Variants in NAALADL2 observed in about 807,000 individuals in gnomAD.
NAALADL2 encodes the protein inactive N-acetylated-alpha-linked acidic dipeptidase-like protein 2.
NAALADL2 carries 76 observed loss-of-function variants against 87.2 expected under a neutral mutation model. That is an observed-to-expected ratio of 0.87 (90% CI 0.72 to 1.05). The LOEUF (loss-of-function observed/expected upper bound fraction) is 1.05, where lower values mean the gene tolerates loss of function less well. Among genes scored for constraint, NAALADL2 ranks in the 50% least tolerant of loss-of-function variants. NAALADL2 has a pLI of 0.00. For synonymous variants in NAALADL2, 354 were observed against 331.0 expected (o/e 1.07, Z -0.75); for missense variants, 1,089 against 945.8 (o/e 1.15, Z -1.99).
chr3:175,365,574 T>G (rs1326895617), intron 5 of NAALADL2, among the ~76,000 whole-genome samples: 1 of 147,562 alleles, frequency 6.8e-6, no homozygotes. Context: ...TGTGGATTTT[T>G]CTGATTCCAC....
chr3:174,797,305 C>CTTTTTCTTTTTTTT (rs1718237636), intron 3 of NAALADL2, among the ~76,000 whole-genome samples: 1 of 72,720 alleles, frequency 1.4e-5, no homozygotes, highest in African/African-American at 7.1e-5. Context: ...TTTCTTTTTT[C>CTTTTTCTTTTTTTT]TTTTTTTTTT....
chr3:174,519,642 T>A (rs918114960), intron 1 of NAALADL2, among the ~76,000 whole-genome samples: 8 of 152,036 alleles, frequency 5.3e-5, no homozygotes, highest in African/African-American at 1.9e-4. Flanking sequence ...GGGTTTTTTT[T>A]AATGCTCCCT....
chr3:175,227,435 C>A (rs549847952), intron 2 of NAALADL2, among the ~76,000 whole-genome samples: 66 of 152,096 alleles, frequency 4.3e-4, no homozygotes, highest in African/African-American at 1.5e-3. Context: ...CCCGTGGAAA[C>A]CCTTATTTTA....
intron 4 of NAALADL2, 22 bp downstream of exon 4, chr3:175,256,552 C>G: frequency 1.2e-6 from 2 of 1,603,184 alleles, no homozygotes; most frequent in Non-Finnish European, 1.7e-6. Flanking sequence ...GAATGTTATT[C>G]AGTGGTTTGG....
intron 9 of NAALADL2, among the ~76,000 whole-genome samples, chr3:175,574,331 G>T (rs1718539059): frequency 1.3e-5 from 2 of 152,100 alleles, no homozygotes; most frequent in African/African-American, 2.4e-5. Context: ...GCTTAAATAG[G>T]GAAAATTCCC....
intron 1 of NAALADL2, among the ~76,000 whole-genome samples, chr3:174,883,652 C>T (rs1729709040): frequency 1.3e-5 from 2 of 152,094 alleles, no homozygotes; most frequent in Non-Finnish European, 2.9e-5. Context: ...ACAATTACAG[C>T]CCTCGTTTCT....
chr3:174,628,370 G>T (rs960957515), intron 2 of NAALADL2, among the ~76,000 whole-genome samples: 1 of 150,634 alleles, frequency 6.6e-6, no homozygotes, highest in Non-Finnish European at 1.5e-5. Context: ...CCAGCTACTT[G>T]GGAGGCTGAG....
At chr3:175,004,755 T>C (rs760651806) in intron 1 of NAALADL2, among the ~76,000 whole-genome samples, 2 of 152,164 alleles carry the variant, frequency 1.3e-5, no homozygotes, top group Non-Finnish European at 2.9e-5. Context: ...ATTTAAAATA[T>C]TGATATCATT....
chr3:175,055,098 C>A (rs1711846311), intron 1 of NAALADL2, among the ~76,000 whole-genome samples: 1 of 152,184 alleles, frequency 6.6e-6, no homozygotes, highest in African/African-American at 2.4e-5. Context: ...CCTTAAATTT[C>A]TTTCCCTGAA....
intron 2 of NAALADL2, among the ~76,000 whole-genome samples, chr3:174,671,071 C>T (rs977915194): frequency 2.6e-5 from 4 of 152,074 alleles, no homozygotes; most frequent in African/African-American, 9.7e-5. Context: ...CTTCTGAGAC[C>T]TCCCCAGAAG....
intron 2 of NAALADL2, among the ~76,000 whole-genome samples, chr3:175,204,332 TAAAAAC>T (rs1217660825): frequency 1.3e-5 from 2 of 152,070 alleles, no homozygotes; most frequent in Non-Finnish European, 2.9e-5. Context: ...TCAACAGAAT[TAAAAAC>T]AAAAATCACA....
chr3:174,682,011 C>T (rs752144351), intron 2 of NAALADL2, among the ~76,000 whole-genome samples: 2 of 152,130 alleles, frequency 1.3e-5, no homozygotes, highest in Non-Finnish European at 2.9e-5. Context: ...GCAGTACTCA[C>T]CACACACTTG....
At chr3:175,300,859 A>C (rs185576278) in intron 4 of NAALADL2, among the ~76,000 whole-genome samples, 2,075 of 151,276 alleles carry the variant, frequency 0.014, 51 homozygotes, top group African/African-American at 0.047. Context: ...TCCTCTGCCA[A>C]AGCCTCCTGA....
intron 1 of NAALADL2, among the ~76,000 whole-genome samples, chr3:174,545,199 C>T (rs1722619441): frequency 1.3e-5 from 2 of 152,130 alleles, no homozygotes; most frequent in Admixed American, 6.6e-5. Context: ...TTTAAATGGT[C>T]GAATTCATAA....
chr3:175,161,288 G>A (rs1185683915), intron 2 of NAALADL2, among the ~76,000 whole-genome samples: 2 of 151,660 alleles, frequency 1.3e-5, no homozygotes, highest in Admixed American at 6.6e-5. Context: ...CAGATAATAA[G>A]TAGCTCACAA....
chr3:174,570,955 T>C (rs1714849775), intron 2 of NAALADL2, among the ~76,000 whole-genome samples: 1 of 152,162 alleles, frequency 6.6e-6, no homozygotes, highest in Non-Finnish European at 1.5e-5. Context: ...TATAATCGAG[T>C]GCATCTAATG....
intron 13 of NAALADL2, among the ~76,000 whole-genome samples, chr3:175,759,801 T>A (rs746265429): frequency 5.9e-4 from 90 of 152,140 alleles, no homozygotes; most frequent in South Asian, 1.0e-3. Flanking sequence ...GAGAGTGAAG[T>A]ACAAAAGGTA....
chr3:175,187,020 T>C (rs1396201295), intron 2 of NAALADL2, among the ~76,000 whole-genome samples: 1 of 152,170 alleles, frequency 6.6e-6, no homozygotes, highest in East Asian at 1.9e-4. Flanking sequence ...TTATAATAAA[T>C]AAAATCAAAT....
intron 2 of NAALADL2, among the ~76,000 whole-genome samples, chr3:174,719,282 C>T (rs1731488668): frequency 6.6e-6 from 1 of 151,956 alleles, no homozygotes; most frequent in African/African-American, 2.4e-5. Flanking sequence ...GAAAAATATC[C>T]CATCTCTTTA....
Sources: gnomAD v4.1 joint callset for allele counts (sites outside exome capture counted in the v4.1 genomes callset) on GRCh38, gnomAD v4.1.1 for gene constraint, MANE v1.5 for transcripts, NCBI Gene and HGNC (gene_info 2026-07-23, HGNC 2026-07-21) for gene names.